The following CEP57L1 variants were observed in gnomAD, a reference collection of about 807,000 sequenced individuals.
CEP57L1 encodes the protein centrosomal protein 57 like 1, also known as centrosomal protein CEP57L1.
Under a neutral mutation model 61.0 loss-of-function variants are expected in CEP57L1, and 37 were observed. That is an observed-to-expected ratio of 0.61 (90% CI 0.47 to 0.80). CEP57L1 has a LOEUF of 0.80. CEP57L1 is among the 30% of genes least tolerant of loss of function. The pLI, the probability that CEP57L1 is intolerant of heterozygous loss-of-function variation, is 0.00. For synonymous variants in CEP57L1, 137 were observed against 162.3 expected (o/e 0.84, Z 1.19); for missense variants, 422 against 524.7 (o/e 0.80, Z 1.91).
intron 1 of CEP57L1, among the ~76,000 whole-genome samples, chr6:109,126,674 C>T (rs1158615682): frequency 6.6e-6 from 1 of 152,088 alleles, no homozygotes; most frequent in East Asian, 1.9e-4. Context: ...TAAATGGATA[C>T]ACATTCAATA....
chr6:109,155,944 C>T, intron 7 of CEP57L1, 67 bp downstream of exon 7: 1 of 700,014 alleles, frequency 1.4e-6, no homozygotes, highest in South Asian at 1.8e-5. Context: ...CCTCTTAATC[C>T]TTATACCTAC....
intron 1 of CEP57L1, among the ~76,000 whole-genome samples, chr6:109,125,519 TA>T (rs1773453951): frequency 1.4e-5 from 2 of 142,474 alleles, no homozygotes; most frequent in South Asian, 4.5e-4. Context: ...CATATATATA[TA>T]TATATTTTTT....
intron 1 of CEP57L1, among the ~76,000 whole-genome samples, chr6:109,100,857 A>T (rs914006020): frequency 6.6e-6 from 1 of 152,132 alleles, no homozygotes. Flanking sequence ...CTGTAATCCC[A>T]GCACTTTGGG....
chr6:109,102,989 A>G (rs151243742), intron 1 of CEP57L1, among the ~76,000 whole-genome samples: 1 of 152,194 alleles, frequency 6.6e-6, no homozygotes, highest in Non-Finnish European at 1.5e-5. Context: ...GACTTTCTAC[A>G]ATTAAGAATA....
At chr6:109,141,097 T>C (rs1399432473) in intron 1 of CEP57L1, among the ~76,000 whole-genome samples, 2 of 151,608 alleles carry the variant, frequency 1.3e-5, no homozygotes, top group Non-Finnish European at 2.9e-5. Flanking sequence ...CCCAAAGTGC[T>C]GGGATTACAG....
chr6:109,154,238 T>C (rs1369213189), intron 5 of CEP57L1, among the ~76,000 whole-genome samples: 1 of 152,192 alleles, frequency 6.6e-6, no homozygotes, highest in Non-Finnish European at 1.5e-5. Flanking sequence ...CTTTCACCAC[T>C]TGTAGTCAAA....
At chr6:109,149,082 T>C (rs1772295904) in intron 3 of CEP57L1, among the ~76,000 whole-genome samples, 3 of 152,250 alleles carry the variant, frequency 2.0e-5, no homozygotes, top group Admixed American at 1.3e-4. Flanking sequence ...CTGTTCACTC[T>C]GATGGTAGTT....
In CEP57L1 at chr6:109,135,515, A is replaced by T. The variant is rs528038164; in HGVS notation, c.-3-9704A>T. ...GGACATAGGCATGGGCAAGGACTTCATGTCAAAAACACCAAAAACAATGGC... is the reference window on the plus strand; with the variant it reads ...GGACATAGGCATGGGCAAGGACTTCTTGTCAAAAACACCAAAAACAATGGC... On this transcript the variant is annotated intron_variant, in intron 1 of 10. Coordinates refer to ENST00000517392, the MANE Select transcript of CEP57L1 (RefSeq NM_001271852.3). 3.3e-5 allele frequency among the ~76,000 whole-genome samples: 5 copies of T among 152,356 alleles called. No individual in the cohort carries two copies. In the South Asian group the frequency reaches 6.2e-4, roughly 19 times the overall value.
intron 1 of CEP57L1, among the ~76,000 whole-genome samples, chr6:109,116,127 G>GTGTTATGTTA (rs34528428): frequency 0.014 from 1,878 of 135,460 alleles, 19 homozygotes; most frequent in African/African-American, 0.017. Context: ...GTTATGTGTT[G>GTGTTATGTTA]TGTTATGTTA....
intron 1 of CEP57L1, among the ~76,000 whole-genome samples, chr6:109,127,001 A>G (rs1249655571): frequency 1.3e-5 from 2 of 152,072 alleles, no homozygotes; most frequent in Non-Finnish European, 2.9e-5. Flanking sequence ...CCCCGTCTCT[A>G]CTAAAAATAC....
chr6:109,144,635 A>G (rs1158774767), intron 1 of CEP57L1, among the ~76,000 whole-genome samples: 1 of 152,152 alleles, frequency 6.6e-6, no homozygotes, highest in Non-Finnish European at 1.5e-5. Flanking sequence ...TAAGTAGTCT[A>G]GATTCTTCAG....
rs979672830 is a variant in CEP57L1 at position 109,168,610 on chromosome 6, T to C, written c.*5640T>C. 6.7e-6 allele frequency among the ~76,000 whole-genome samples: 1 copy of C among 150,168 alleles called. No individual in the cohort carries two copies. The highest frequency in any genetic ancestry group is 2.5e-5 in the African/African-American group (1 of 40,648). On this transcript the variant is annotated 3_prime_UTR_variant, in exon 11 of 11. Transcript: ENST00000517392. Reference sequence around the variant, plus strand: ...CCAGCATTTTTTTTTTTTTTTTTTTTTTGAGATTGGAGTCTCGCTCCTTCA... The same window carrying C: ...CCAGCATTTTTTTTTTTTTTTTTTTCTTGAGATTGGAGTCTCGCTCCTTCA...
intron 9 of CEP57L1, among the ~76,000 whole-genome samples, chr6:109,159,947 A>T (rs1003413722): frequency 6.6e-6 from 1 of 152,166 alleles, no homozygotes; most frequent in Admixed American, 6.6e-5. Flanking sequence ...GAATTATTTC[A>T]TTAGACAAGT....
At position 109,164,777 on chromosome 6, in the gene CEP57L1, T is replaced by A. The variant is rs1034215929; in HGVS notation, c.*1807T>A. 6.6e-5 allele frequency among the ~76,000 whole-genome samples: 10 copies of A among 152,046 alleles called. No homozygotes were observed. Among genetic ancestry groups the A allele is most frequent in the African/African-American group, 2.2e-4 (9 of 41,408 alleles). Reference sequence around the variant, plus strand: ...TTGTGAAAAGGTATTGCTTTAAAAATTATCATTAAAAATTTAAAAACCGTC... The same window carrying A: ...TTGTGAAAAGGTATTGCTTTAAAAAATATCATTAAAAATTTAAAAACCGTC... On this transcript the variant is annotated 3_prime_UTR_variant, in exon 11 of 11. Transcript: ENST00000517392.
chr6:109,159,530 A>G (rs1023902873), intron 9 of CEP57L1, 68 bp downstream of exon 9: 17 of 1,451,660 alleles, frequency 1.2e-5, no homozygotes, highest in Non-Finnish European at 1.5e-5. Flanking sequence ...GCTAGTCTTG[A>G]ACTCCTGGTT....
chr6:109,130,567 C>T (rs1288797672), intron 1 of CEP57L1, among the ~76,000 whole-genome samples: 1 of 148,092 alleles, frequency 6.8e-6, no homozygotes. Context: ...ACCCTGCTTT[C>T]GGTTCTTCTG....
rs1774451113 is a variant in CEP57L1 at position 109,172,538 on chromosome 6, GAA to G, written c.*9571_*9572del. Among the ~76,000 whole-genome samples the G allele has an allele frequency of 3.9e-5, 6 of 152,342 alleles. No homozygotes were observed. The South Asian group carries it at 1.2e-3, about 32-fold the overall frequency. On this transcript the variant is annotated 3_prime_UTR_variant, in exon 11 of 11. Transcript: ENST00000517392. The stretch of plus-strand genomic sequence containing the variant: ...CAGGACAAACATTTCTTTGGAATGT[GAA>G]AAGTTTACACAATCAAGACTTGCTA...
At chr6:109,152,701 GTTC>G (rs1434008090) in intron 4 of CEP57L1, among the ~76,000 whole-genome samples, 2 of 151,368 alleles carry the variant, frequency 1.3e-5, no homozygotes, top group Non-Finnish European at 2.9e-5. Context: ...TTTTCTCTGT[GTTC>G]TTATGTTTTA....
chr6:109,163,063 T>C lies in CEP57L1; in HGVS notation c.*93T>C, dbSNP rs1583688907. ...AATTTAATATAACTTTGTGACATTT[T>C]GAATCATGTTTCTAGTTTCTATAAA... is the stretch of plus-strand genomic sequence containing the variant. On this transcript the variant is annotated 3_prime_UTR_variant, in exon 11 of 11. Coordinates refer to ENST00000517392, the MANE Select transcript of CEP57L1 (RefSeq NM_001271852.3). The C allele has an allele frequency of 1.3e-6, 1 of 786,292 alleles. No individual in the cohort carries two copies. Among genetic ancestry groups the C allele is most frequent in the East Asian group, 2.7e-5 (1 of 37,106 alleles). The allele number at this position is 786,292 out of a possible 1,614,324, so 48.7% of individuals were successfully genotyped here. A position where few individuals can be genotyped will look rare whatever the true frequency, so the allele number is the denominator to read the frequency against.
Sources: allele counts gnomAD v4.1 joint callset (sites outside exome capture counted in the v4.1 genomes callset), GRCh38; gene constraint gnomAD v4.1.1; transcripts MANE v1.5; gene names NCBI Gene and HGNC (gene_info 2026-07-23, HGNC 2026-07-21).